The following GCC1 variants were observed in gnomAD, a reference collection of about 807,000 sequenced individuals.
GCC1 encodes the protein GRIP and coiled-coil domain-containing protein 1.
A neutral mutation model predicts 62.5 loss-of-function variants in GCC1; 36 were observed. The ratio of observed to expected loss-of-function variants is 0.58; its 90% CI spans 0.44 to 0.76. GCC1 has a LOEUF of 0.76. GCC1 is among the 30% of genes least tolerant of loss of function. The pLI, the probability that GCC1 is intolerant of heterozygous loss-of-function variation, is 0.00. For synonymous variants in GCC1, 391 were observed against 386.8 expected (o/e 1.01, Z -0.13); for missense variants, 885 against 948.3 (o/e 0.93, Z 0.88).
rs1194744561 is a variant in GCC1 at position 127,583,366 on chromosome 7, G to T, written c.1033-57C>A. On this transcript the variant is annotated intron_variant, in intron 1 of 1. Coordinates refer to ENST00000321407, the MANE Select transcript of GCC1 (RefSeq NM_024523.6). ...CCACAAAAGCCCCACAGCAAACTCTGAGAAAGCAGGAGAGGGGAGCAAAAG... is the reference window on the plus strand; with the variant it reads ...CCACAAAAGCCCCACAGCAAACTCTTAGAAAGCAGGAGAGGGGAGCAAAAG... 5 of 1,365,116 alleles carry T rather than the reference G, an allele frequency of 3.7e-6. No individual in the cohort carries two copies. In the Admixed American group the frequency reaches 8.1e-5, roughly 22 times the overall value. 84.6% of individuals were successfully genotyped at this position (1,365,116 alleles called of 1,614,324 possible).
intron 1 of GCC1, among the ~76,000 whole-genome samples, chr7:127,583,731 C>A (rs1424570598): frequency 1.3e-5 from 2 of 152,228 alleles, no homozygotes; most frequent in African/African-American, 4.8e-5. Context: ...GAAAATAGCA[C>A]TTCTCCAGAA....
In GCC1 at chr7:127,581,510, T is replaced by C. The variant is rs1335605070; in HGVS notation, c.*504A>G. The stretch of plus-strand genomic sequence containing the variant: ...TAGCCCTTGGGACTAGTGGATGATA[T>C]GTCACTATTTCAAACTTCCTGGTCC... On this transcript the variant is annotated 3_prime_UTR_variant, in exon 2 of 2. Transcript: ENST00000321407. The C allele has an allele frequency of 6.3e-6, 1 of 157,998 alleles. No homozygotes were observed. Among genetic ancestry groups the C allele is most frequent in the Non-Finnish European group, 1.4e-5 (1 of 71,448 alleles). 9.8% of individuals were successfully genotyped at this position (157,998 alleles called of 1,614,324 possible). A position where few individuals can be genotyped will look rare whatever the true frequency, so the allele number is the denominator to read the frequency against.
Position 127,582,270 on chromosome 7 carries a change from T to A in GCC1, c.2072A>T (p.Glu691Val), listed in dbSNP as rs759635348. ...AACCTCCTCACGATGCCGTTCGCCC[T>A]CCTCCAGCAGCCGATCCTGCAGCTG... ...VHQLQDRLLE[E>V]GERHREEVAA... Residue 691 changes from glutamate to valine, a missense_variant, in exon 2 of 2, where the codon GAG (glutamate) becomes GTG (valine). By Grantham distance (121) the Glu-to-Val change is moderately radical. Coordinates refer to ENST00000321407, the MANE Select transcript of GCC1 (RefSeq NM_024523.6). The surrounding 1 kb of genome is among the most constrained non-coding windows in gnomAD (Gnocchi z 4.8). 3 of 1,614,166 alleles carry A rather than the reference T, an allele frequency of 1.9e-6. No homozygotes were observed. The highest frequency in any genetic ancestry group is 1.7e-5 in the Admixed American group (1 of 60,022).
chr7:127,582,806 G>A lies in GCC1; in HGVS notation c.1536C>T (p.Asn512=), dbSNP rs753426587. The A allele has an allele frequency of 1.2e-6, 2 of 1,614,040 alleles. No individual in the cohort carries two copies. The highest frequency in any genetic ancestry group is 1.7e-6 in the Non-Finnish European group (2 of 1,180,048). The change falls in exon 2 of 2, where the codon AAC becomes AAT. Residue 512 remains asparagine (N), a synonymous_variant. Coordinates refer to ENST00000321407, the MANE Select transcript of GCC1 (RefSeq NM_024523.6). The surrounding 1 kb of genome is among the most constrained non-coding windows in gnomAD (Gnocchi z 4.8). ...GGGCTGCCTCCAGCTCCTTTCCCAG[G>A]TTACCATCTTTGGTATTCTTGCTTT... ...VLKSKNTKDG[N]LGKELEAAQE...
chr7:127,585,460 G>T lies in GCC1; in HGVS notation c.-278C>A. 2.2e-6 allele frequency: 1 copy of T among 446,618 alleles called. No homozygotes were observed. The highest frequency in any genetic ancestry group is 4.0e-6 in the Non-Finnish European group (1 of 249,502). The allele number at this position is 446,618 out of a possible 1,614,324, so 27.7% of individuals were successfully genotyped here. The stretch of plus-strand genomic sequence containing the variant: ...GCACTGCCAGGGCTCGTTAGCGCTG[G>T]CCCAGAAGCCGCTCCGCACTCTCCG... On this transcript the variant is annotated 5_prime_UTR_variant, in exon 1 of 2. Coordinates refer to ENST00000321407, the MANE Select transcript of GCC1 (RefSeq NM_024523.6).
intron 1 of GCC1, 76 bp downstream of exon 1, chr7:127,584,075 G>A: frequency 1.5e-6 from 2 of 1,322,430 alleles, no homozygotes; most frequent in South Asian, 1.4e-5. Flanking sequence ...GCTCTAACTA[G>A]CAAAGGAGGA....
chr7:127,584,033 G>T, intron 1 of GCC1, 118 bp downstream of exon 1: 1 of 848,476 alleles, frequency 1.2e-6, no homozygotes, highest in South Asian at 1.8e-5. Context: ...GAACTTCTCA[G>T]GTGGCATCAA....
In GCC1 at chr7:127,583,665, T is replaced by C. The variant is rs1794165328; in HGVS notation, c.1033-356A>G. On this transcript the variant is annotated intron_variant, in intron 1 of 1. Coordinates refer to ENST00000321407, the MANE Select transcript of GCC1 (RefSeq NM_024523.6). ...TCCAATATTCCTGGAAGTTCAAAAC[T>C]GCGCTGGATCTCCCTCTCCACATTG... 2.6e-5 allele frequency among the ~76,000 whole-genome samples: 4 copies of C among 152,334 alleles called. No individual in the cohort carries two copies. In the South Asian group the frequency reaches 8.3e-4, roughly 32 times the overall value.
chr7:127,582,401 C>T lies in GCC1; in HGVS notation c.1941G>A (p.Ala647=), dbSNP rs758050101. ...ACAGAAAGAAAGTGGGCTCATTGGC[C>T]GCTGCAAGTTGTAATGCTTGGGTCA... ...DSLTQALQLA[A]ANEPTFFLYA... The change falls in exon 2 of 2, where the codon GCG becomes GCA. Residue 647 remains alanine (A), a synonymous_variant. Transcript: ENST00000321407. This position sits in a 1 kb window ranked among gnomAD's most constrained non-coding sequence, Gnocchi z 4.8. The T allele has an allele frequency of 2.0e-5, 33 of 1,614,160 alleles. No individual in the cohort carries two copies. Among genetic ancestry groups the T allele is most frequent in the Admixed American group, 3.3e-5 (2 of 60,020 alleles).
rs1794170634 is a variant in GCC1, at chr7:127,584,157, C to A, written c.1026G>T (p.Met342Ile). The change falls in exon 1 of 2, where the codon ATG (methionine) becomes ATT (isoleucine). Residue 342 changes from methionine (M) to isoleucine (I), a missense_variant. By Grantham distance (10) the Met-to-Ile change is conservative. Transcript: ENST00000321407. The part of the protein sequence containing the change: ...SHFQAQLQQE[M>I]RKTALAEDQL... Reference sequence around the variant, plus strand: ...AAGAGATATGGATAATTACCTTTCTCATTTCCTGCTGTAACTGAGCCTGGA... The same window carrying A: ...AAGAGATATGGATAATTACCTTTCTAATTTCCTGCTGTAACTGAGCCTGGA... 6.2e-7 allele frequency: 1 copy of A among 1,613,236 alleles called. No individual in the cohort carries two copies. Among genetic ancestry groups the A allele is most frequent in the Non-Finnish European group, 8.5e-7 (1 of 1,179,488 alleles).
Position 127,582,277 on chromosome 7 carries a change from G to T in GCC1, c.2065C>A (p.Leu689Met), listed in dbSNP as rs1302013913. The T allele has an allele frequency of 4.3e-6, 7 of 1,614,054 alleles. No individual in the cohort carries two copies. Among genetic ancestry groups the T allele is most frequent in the Non-Finnish European group, 5.1e-6 (6 of 1,180,028 alleles). ...TCACGATGCCGTTCGCCCTCCTCCA[G>T]CAGCCGATCCTGCAGCTGATGCACC... is the stretch of plus-strand genomic sequence containing the variant. ...VEVHQLQDRL[L>M]EEGERHREEV... The change falls in exon 2 of 2, where the codon CTG (leucine) becomes ATG (methionine). Residue 689 changes from leucine to methionine, a missense_variant. Transcript: ENST00000321407. The surrounding 1 kb of genome is among the most constrained non-coding windows in gnomAD (Gnocchi z 4.8).
rs1339106498 is a variant in GCC1, at chr7:127,585,561, A to G, written c.-379T>C. The G allele has an allele frequency of 1.0e-5, 2 of 196,094 alleles. No homozygotes were observed. The highest frequency in any genetic ancestry group is 1.4e-4 in the South Asian group (1 of 7,356). 12.1% of individuals were successfully genotyped at this position (196,094 alleles called of 1,614,324 possible). A position where few individuals can be genotyped will look rare whatever the true frequency, so the allele number is the denominator to read the frequency against. On this transcript the variant is annotated 5_prime_UTR_variant, in exon 1 of 2. An upstream start codon of the reference 5' UTR is lost. Transcript: ENST00000321407. ...AGAGGGTTACGCTGAGCTCGGTCCC[A>G]TCACGACATCCTAACTAAAGCTGCC...
chr7:127,582,516 A>G lies in GCC1; in HGVS notation c.1826T>C (p.Val609Ala), dbSNP rs144942066. ...TCCTGGCAGCCCAGAGGCCAAGGCC[A>G]CAGAACGCAGTTGCTCCAGTTCCAA... ...KDLELEQLRS[V>A]ALASGLPGRR... The change falls in exon 2 of 2, where the codon GTG becomes GCG. Residue 609 changes from valine to alanine, a missense_variant. Coordinates refer to ENST00000321407, the MANE Select transcript of GCC1 (RefSeq NM_024523.6). This position sits in a 1 kb window ranked among gnomAD's most constrained non-coding sequence, Gnocchi z 4.8. 8.7e-6 allele frequency: 14 copies of G among 1,612,442 alleles called. No homozygotes were observed. The highest frequency in any genetic ancestry group is 1.3e-5 in the African/African-American group (1 of 74,704).
chr7:127,582,818 G>C lies in GCC1; in HGVS notation c.1524C>G (p.Thr508=), dbSNP rs765062755. 1 of 1,614,146 alleles carries C rather than the reference G, an allele frequency of 6.2e-7. No homozygotes were observed. The highest frequency in any genetic ancestry group is 1.1e-5 in the South Asian group (1 of 91,080). The change falls in exon 2 of 2, where the codon ACC becomes ACG. Residue 508 remains threonine, a synonymous_variant. Transcript: ENST00000321407. This position sits in a 1 kb window ranked among gnomAD's most constrained non-coding sequence, Gnocchi z 4.8. ...GCTCCTTTCCCAGGTTACCATCTTT[G>C]GTATTCTTGCTTTTGAGGACAACCT... is the stretch of plus-strand genomic sequence containing the variant. ...RAQVVLKSKN[T]KDGNLGKELE...
Position 127,585,066 on chromosome 7 carries a change from G to C in GCC1, c.117C>G (p.Val39=). 6.2e-7 allele frequency: 1 copy of C among 1,614,158 alleles called. No homozygotes were observed. The highest frequency in any genetic ancestry group is 8.5e-7 in the Non-Finnish European group (1 of 1,180,044). The change falls in exon 1 of 2, where the codon GTC becomes GTG. Residue 39 remains valine (V), a synonymous_variant. Transcript: ENST00000321407. ...CCTTCAGCAGGCTTTTATAGGCACG[G>C]ACCACATCCTTGAGCCGTGCCTGGT... The part of the protein sequence containing the change: ...LQYQARLKDV[V]RAYKSLLKEK...
rs1287634288 is a variant in GCC1, at chr7:127,585,337, G to A, written c.-155C>T. 9.5e-6 allele frequency: 7 copies of A among 737,070 alleles called. No individual in the cohort carries two copies. The highest frequency in any genetic ancestry group is 1.5e-5 in the Non-Finnish European group (7 of 467,612). The allele number at this position is 737,070 out of a possible 1,614,324, so 45.7% of individuals were successfully genotyped here. ...AGTTATCCCGGACCTAATGCGGAAC[G>A]GCCGGACGGACTGGCGAAAGCGGCC... is the stretch of plus-strand genomic sequence containing the variant. On this transcript the variant is annotated 5_prime_UTR_variant, in exon 1 of 2. Transcript: ENST00000321407.
In GCC1 at chr7:127,582,864, TCA is replaced by T; in HGVS notation, c.1476_1477del (p.Phe492LeufsTer20). The T allele has an allele frequency of 6.2e-7, 1 of 1,614,190 alleles. No individual in the cohort carries two copies. The stretch of plus-strand genomic sequence containing the variant: ...AACCTGGGCTCTCATCTTGTACCTC[TCA>T]AACTCTTCCTTCAGCTGTTTCAGCT... On this transcript the variant is annotated frameshift_variant, in exon 2 of 2. Transcript: ENST00000321407. The surrounding 1 kb of genome is among the most constrained non-coding windows in gnomAD (Gnocchi z 4.8).
chr7:127,584,245 T>TTCTCA lies in GCC1; in HGVS notation c.933_937dup (p.Lys313MetfsTer32). 6.2e-7 allele frequency: 1 copy of TTCTCA among 1,613,852 alleles called. No individual in the cohort carries two copies. Among genetic ancestry groups the TTCTCA allele is most frequent in the Non-Finnish European group, 8.5e-7 (1 of 1,179,996 alleles). On this transcript the variant is annotated frameshift_variant, in exon 1 of 2. Coordinates refer to ENST00000321407, the MANE Select transcript of GCC1 (RefSeq NM_024523.6). ...TTGCAGCCGGGGATCTGGCTGATTCTTCTCATCTCGAATGGCCTGCAGTTC... is the reference window on the plus strand; with the variant it reads ...TTGCAGCCGGGGATCTGGCTGATTCTTCTCATCTCATCTCGAATGGCCTGCAGTTC...
chr7:127,584,596 T>A lies in GCC1; in HGVS notation c.587A>T (p.Asp196Val), dbSNP rs769989565. ...CGCCTTGTTACTGGCATCCTCTAAG[T>A]CCTGTTTCATCTTTTTCTTGTCAGC... ...YLADKKKMKQ[D>V]LEDASNKAEE... Residue 196 changes from aspartate to valine, a missense_variant, in exon 1 of 2, where the codon GAC becomes GTC. Physicochemically the swap from Asp to Val is radical, Grantham distance 152. Transcript: ENST00000321407. 2.5e-6 allele frequency: 4 copies of A among 1,613,964 alleles called. No individual in the cohort carries two copies. Among genetic ancestry groups the A allele is most frequent in the Non-Finnish European group, 2.5e-6 (3 of 1,180,030 alleles).
Sources: gnomAD v4.1 joint callset for allele counts (sites outside exome capture counted in the v4.1 genomes callset) on GRCh38, gnomAD v4.1.1 for gene constraint, Gnocchi (gnomAD v3.1) non-coding constraint, MANE v1.5 for transcripts, NCBI Gene and HGNC (gene_info 2026-07-23, HGNC 2026-07-21) for gene names.